Variants in KRT8 observed in about 807,000 individuals in gnomAD.
KRT8 encodes the protein keratin, type II cytoskeletal 8.
Under a neutral mutation model 43.0 loss-of-function variants are expected in KRT8, and 24 were observed. The observed-to-expected ratio is 0.56, with a 90% CI of 0.40 to 0.78. The LOEUF (loss-of-function observed/expected upper bound fraction) is 0.78, where lower values mean the gene tolerates loss of function less well. Ranked by LOEUF, KRT8 falls within the 30% of genes least tolerant of loss-of-function variation. The pLI, the probability that KRT8 is intolerant of heterozygous loss-of-function variation, is 0.00. For synonymous variants in KRT8, 214 were observed against 261.2 expected (o/e 0.82, Z 1.74); for missense variants, 492 against 638.4 (o/e 0.77, Z 2.47).
chr12:52,919,732 C>T (rs1941846927), intron 2 of KRT8, among the ~76,000 whole-genome samples: 1 of 151,816 alleles, frequency 6.6e-6, no homozygotes, highest in African/African-American at 2.4e-5. Flanking sequence ...CTGCAACCTC[C>T]ACCTCCTGGG....
At chr12:52,906,440 G>A (rs759911931), upstream of KRT8, 1 of 316,188 alleles carries the variant, frequency 3.2e-6, no homozygotes, top group Non-Finnish European at 6.3e-6. Flanking sequence ...CAACGGGCCA[G>A]AGGAAATAGA....
intron 2 of KRT8, among the ~76,000 whole-genome samples, chr12:52,937,373 TAAA>T (rs879356847): frequency 1.5e-5 from 2 of 133,778 alleles, no homozygotes; most frequent in African/African-American, 2.8e-5. Flanking sequence ...ACTCGGTCTC[TAAA>T]AAAAAAAAAA....
intron 2 of KRT8, among the ~76,000 whole-genome samples, chr12:52,918,182 A>AGAAGG (rs1941800822): frequency 1.1e-4 from 12 of 104,480 alleles, no homozygotes; most frequent in African/African-American, 4.6e-4. Flanking sequence ...GAGGAAGAGG[A>AGAAGG]AGAAGAAGAA....
At chr12:52,949,588 C>G in intron 1 of KRT8, 1 of 1,613,350 alleles carries the variant, frequency 6.2e-7, no homozygotes, top group Non-Finnish European at 8.5e-7. Flanking sequence ...CCTGAGGGCT[C>G]AGGTAAGGGG....
Position 52,900,932 on chromosome 12 carries a change from C to T in KRT8, c.594+227G>A, listed in dbSNP as rs546752925. 14 of 635,594 alleles carry T rather than the reference C, an allele frequency of 2.2e-5. No individual in the cohort carries two copies. The South Asian group carries it at 2.5e-4, about 12-fold the overall frequency. 39.4% of individuals were successfully genotyped at this position (635,594 alleles called of 1,614,324 possible). On this transcript the variant is annotated intron_variant, in intron 3 of 7. Transcript: ENST00000692008. Reference sequence around the variant, plus strand: ...GCCTTCTAGAGCCAGATCTCCAGTTCTACTGCTCTGTTTTCTGAACCATGT... The same window carrying T: ...GCCTTCTAGAGCCAGATCTCCAGTTTTACTGCTCTGTTTTCTGAACCATGT...
At position 52,901,226 on chromosome 12, in the gene KRT8, G is replaced by C; in HGVS notation, c.534-7C>G. ...ATTGATCTCATCCTCATACCTGTGAGGAAAAGACTTACAATTAGAGGATGA... is the reference window on the plus strand; with the variant it reads ...ATTGATCTCATCCTCATACCTGTGACGAAAAGACTTACAATTAGAGGATGA... On this transcript the variant is annotated splice_polypyrimidine_tract_variant and splice_region_variant and intron_variant, in intron 2 of 7. Coordinates refer to ENST00000692008, the Ensembl canonical transcript of KRT8. 1.9e-6 allele frequency: 3 copies of C among 1,606,740 alleles called. No individual in the cohort carries two copies. Among genetic ancestry groups the C allele is most frequent in the Non-Finnish European group, 2.6e-6 (3 of 1,174,502 alleles).
intron 1 of KRT8, among the ~76,000 whole-genome samples, 190 bp downstream of exon 1, chr12:52,904,468 T>C (rs1353298039): frequency 8.6e-5 from 13 of 151,960 alleles, no homozygotes; most frequent in African/African-American, 3.1e-4. Flanking sequence ...GTCCAGACCC[T>C]CTCCCCACCC....
At chr12:52,911,584 C>T (rs1052743997), upstream of KRT8, among the ~76,000 whole-genome samples, 2 of 152,260 alleles carry the variant, frequency 1.3e-5, no homozygotes, top group African/African-American at 4.8e-5. Context: ...ATTTAACCTT[C>T]GTAAGAACAC....
intron 2 of KRT8, among the ~76,000 whole-genome samples, chr12:52,927,999 A>T (rs1942022246): frequency 6.6e-6 from 1 of 152,232 alleles, no homozygotes; most frequent in Non-Finnish European, 1.5e-5. Flanking sequence ...CGCAGGTTGC[A>T]GTGAGCCAAG....
chr12:52,905,377 C>A (rs935425609), upstream of KRT8, among the ~76,000 whole-genome samples: 1 of 152,226 alleles, frequency 6.6e-6, no homozygotes, highest in Non-Finnish European at 1.5e-5. Context: ...GCCACTACAA[C>A]CCTGACTCCT....
At chr12:52,923,451 G>A (rs924930105) in intron 2 of KRT8, among the ~76,000 whole-genome samples, 2 of 152,100 alleles carry the variant, frequency 1.3e-5, no homozygotes, top group African/African-American at 4.8e-5. Context: ...ATGGAGTCTC[G>A]CTGTGTTGCC....
chr12:52,940,297 G>A (rs1392575998), intron 2 of KRT8, among the ~76,000 whole-genome samples: 1 of 151,950 alleles, frequency 6.6e-6, no homozygotes, highest in Non-Finnish European at 1.5e-5. Flanking sequence ...GCCGGACGTG[G>A]TAGCTCATGC....
chr12:52,897,621 G>C lies in KRT8; in HGVS notation c.1262-3C>G, dbSNP rs778547238. On this transcript the variant is annotated splice_region_variant and splice_polypyrimidine_tract_variant and intron_variant, in intron 7 of 7. Coordinates refer to ENST00000692008, the Ensembl canonical transcript of KRT8. ...CCCATAGGCCGAGCTCAGACCACCT[G>C]GTGAGGGACAGAGGTAGCCACATGA... is the stretch of plus-strand genomic sequence containing the variant. 3.1e-6 allele frequency: 5 copies of C among 1,597,994 alleles called. No homozygotes were observed. Among genetic ancestry groups the C allele is most frequent in the Admixed American group, 3.3e-5 (2 of 60,006 alleles).
exon 8 of KRT8, chr12:52,897,515 G>C (rs370257468): frequency 6.3e-7 from 1 of 1,598,878 alleles, no homozygotes; most frequent in Non-Finnish European, 8.5e-7. Context: ...TGGAGGAGCT[G>C]GTGCGGCTGA....
At chr12:52,930,401 A>G (rs781105077) in intron 2 of KRT8, among the ~76,000 whole-genome samples, 40 of 152,082 alleles carry the variant, frequency 2.6e-4, no homozygotes, top group Non-Finnish European at 5.0e-4. Context: ...TTGTATTTTT[A>G]GTAGAGATGG....
upstream of KRT8, among the ~76,000 whole-genome samples, chr12:52,911,822 C>G (rs10735847): frequency 0.76 from 115,540 of 152,014 alleles, 44,858 homozygotes; most frequent in African/African-American, 0.92. Context: ...TCAGGAGTTC[C>G]AGAACAGCCT....
At chr12:52,901,960 T>G in exon 2 of KRT8, 1 of 1,608,664 alleles carries the variant, frequency 6.2e-7, no homozygotes, top group Non-Finnish European at 8.5e-7. Flanking sequence ...CCGCCTAAGG[T>G]TGTTGATGTA....
At chr12:52,915,000 T>C (rs1941706973) in intron 2 of KRT8, among the ~76,000 whole-genome samples, 1 of 152,134 alleles carries the variant, frequency 6.6e-6, no homozygotes, top group South Asian at 2.1e-4. Flanking sequence ...AATACTATCA[T>C]GTTGACTAGA....
chr12:52,900,889 C>T (rs1440741154), intron 3 of KRT8: 8 of 638,402 alleles, frequency 1.3e-5, no homozygotes, highest in African/African-American at 1.8e-5. Flanking sequence ...CACCCTCTTC[C>T]ACCTCCTTCT....
Sources: gnomAD v4.1 joint callset for allele counts (sites outside exome capture counted in the v4.1 genomes callset) on GRCh38, gnomAD v4.1.1 for gene constraint, MANE v1.5 for transcripts, NCBI Gene and HGNC (gene_info 2026-07-23, HGNC 2026-07-21) for gene names.